Variants in RBFOX1 observed in about 807,000 individuals in gnomAD.
The protein encoded by RBFOX1 is RNA binding protein fox-1 homolog 1.
Under a neutral mutation model 57.7 loss-of-function variants are expected in RBFOX1, and 8 were observed. That is an observed-to-expected ratio of 0.14 (90% CI 0.08 to 0.25). RBFOX1 has a LOEUF of 0.25. Among genes scored for constraint, RBFOX1 ranks in the 10% least tolerant of loss-of-function variants. The pLI is 1.00. For missense variants in RBFOX1, 611 were observed against 548.5 expected (o/e 1.11, Z -1.14); for synonymous variants, 326 against 222.4 (o/e 1.47, Z -4.15).
intron 4 of RBFOX1, among the ~76,000 whole-genome samples, chr16:7,151,590 T>C (rs531924046): frequency 6.6e-6 from 1 of 152,296 alleles, no homozygotes; most frequent in East Asian, 1.9e-4. Context: ...TTTCCAGGGA[T>C]GGGAAAATGG....
At chr16:7,244,640 G>A (rs1400521093) in intron 4 of RBFOX1, among the ~76,000 whole-genome samples, 1 of 152,206 alleles carries the variant, frequency 6.6e-6, no homozygotes, top group Non-Finnish European at 1.5e-5. Flanking sequence ...TTCAACCAAT[G>A]TTGCTGCTTA....
intron 4 of RBFOX1, among the ~76,000 whole-genome samples, chr16:7,314,665 C>T (rs73559856): frequency 0.021 from 3,269 of 152,200 alleles, 67 homozygotes; most frequent in African/African-American, 0.052. Flanking sequence ...TGGGCTGACA[C>T]TCTTTTATTA....
At chr16:6,360,563 C>T (rs1204019655) in intron 2 of RBFOX1, among the ~76,000 whole-genome samples, 1 of 152,148 alleles carries the variant, frequency 6.6e-6, no homozygotes, top group Non-Finnish European at 1.5e-5. Flanking sequence ...AATGGCAATG[C>T]CACTCAGTCT....
chr16:6,833,646 A>G (rs148317043), intron 3 of RBFOX1, among the ~76,000 whole-genome samples: 23 of 152,150 alleles, frequency 1.5e-4, no homozygotes, highest in African/African-American at 4.1e-4. Context: ...TGTCTTCCTC[A>G]TGTCTTCCCA....
chr16:7,394,288 C>T (rs192178199), intron 4 of RBFOX1, among the ~76,000 whole-genome samples: 9 of 127,164 alleles, frequency 7.1e-5, no homozygotes, highest in Admixed American at 7.7e-5. Context: ...AAAAAATAGT[C>T]ATAGAATGAG....
At chr16:5,550,953 A>G (rs746101009) in intron 2 of RBFOX1, among the ~76,000 whole-genome samples, 52 of 152,180 alleles carry the variant, frequency 3.4e-4, no homozygotes, top group Non-Finnish European at 6.9e-4. Context: ...TGGGCAAGGG[A>G]AGGTTAAGCC....
intron 3 of RBFOX1, among the ~76,000 whole-genome samples, chr16:6,949,166 T>G (rs1370069028): frequency 6.6e-6 from 1 of 151,996 alleles, no homozygotes; most frequent in Non-Finnish European, 1.5e-5. Flanking sequence ...CCCACCCCCC[T>G]GAAAAGTCTA....
rs367869642 is a variant in RBFOX1, at chr16:7,267,646, G to C, written c.27+215548G>C. ...GAGGTGGGCGGATCACTTGAGGTCA[G>C]GAGTTCGAGACCAGCCTGGCCAACA... On this transcript the variant is annotated intron_variant, in intron 4 of 15. Coordinates refer to ENST00000550418, the MANE Select transcript of RBFOX1 (RefSeq NM_018723.4). 8.7e-4 allele frequency among the ~76,000 whole-genome samples: 132 copies of C among 152,120 alleles called. 2 individuals carry two copies. The East Asian group carries it at 0.024, about 28-fold the overall frequency.
At chr16:7,185,512 T>C (rs2178717) in intron 4 of RBFOX1, among the ~76,000 whole-genome samples, 3 of 152,024 alleles carry the variant, frequency 2.0e-5, no homozygotes, top group African/African-American at 7.3e-5. Context: ...ATAATTCTTA[T>C]GATAACATGG....
At chr16:6,502,732 C>T (rs1273253180) in intron 2 of RBFOX1, among the ~76,000 whole-genome samples, 4 of 152,154 alleles carry the variant, frequency 2.6e-5, no homozygotes, top group Non-Finnish European at 5.9e-5. Flanking sequence ...TAGGACTCAT[C>T]TCCTCTAGGG....
At chr16:6,693,417 A>G (rs903844210) in intron 3 of RBFOX1, among the ~76,000 whole-genome samples, 1 of 150,666 alleles carries the variant, frequency 6.6e-6, no homozygotes, top group Non-Finnish European at 1.5e-5. Context: ...TACCATCACC[A>G]CTATCATTAT....
intron 4 of RBFOX1, among the ~76,000 whole-genome samples, chr16:7,443,949 G>A (rs191085356): frequency 1.3e-5 from 2 of 152,270 alleles, no homozygotes; most frequent in Non-Finnish European, 1.5e-5. Flanking sequence ...CTTTCTCTGG[G>A]AGAAACCAAA....
chr16:5,534,759 T>C (rs541307135), intron 2 of RBFOX1, among the ~76,000 whole-genome samples: 79 of 152,190 alleles, frequency 5.2e-4, no homozygotes, highest in South Asian at 2.1e-3. Context: ...AAACAATACT[T>C]CACGAGCTAT....
intron 4 of RBFOX1, among the ~76,000 whole-genome samples, chr16:7,464,114 C>G (rs2060059421): frequency 6.6e-6 from 1 of 152,160 alleles, no homozygotes; most frequent in African/African-American, 2.4e-5. Flanking sequence ...TACATTGCCA[C>G]TCCCTTCTGG....
In RBFOX1 at chr16:5,439,114, A is replaced by G. The variant is rs112688401; in HGVS notation, c.220-28102A>G. Reference sequence around the variant, plus strand: ...AAGTAGAGACTTGTATCTTGGGAAGAAGCCAGCCTTGGGGAGATTTGGGAA... The same window carrying G: ...AAGTAGAGACTTGTATCTTGGGAAGGAGCCAGCCTTGGGGAGATTTGGGAA... On this transcript the variant is annotated intron_variant, in intron 1 of 2. Coordinates refer to the RBFOX1 transcript ENST00000585867. 9.7e-3 allele frequency among the ~76,000 whole-genome samples: 1,479 copies of G among 152,068 alleles called. 17 individuals carry two copies. The highest frequency in any genetic ancestry group is 0.033 in the African/African-American group (1,378 of 41,464).
At chr16:7,230,011 AGGGAGGAAGAGG>A (rs2093403224) in intron 4 of RBFOX1, among the ~76,000 whole-genome samples, 2 of 94,586 alleles carry the variant, frequency 2.1e-5, no homozygotes, top group African/African-American at 9.4e-5. Context: ...AGGGAGAGAG[AGGGAGGAAGAGG>A]GGAAGGAAGG....
intron 1 of RBFOX1, among the ~76,000 whole-genome samples, chr16:5,323,698 G>A (rs1372909126): frequency 6.6e-6 from 1 of 152,242 alleles, no homozygotes; most frequent in Non-Finnish European, 1.5e-5. Flanking sequence ...GGCTTCAAAA[G>A]CCAGCTGATG....
intron 2 of RBFOX1, among the ~76,000 whole-genome samples, chr16:5,534,368 A>G (rs1383620326): frequency 2.6e-5 from 4 of 152,230 alleles, no homozygotes; most frequent in Non-Finnish European, 5.9e-5. Context: ...GCTGTCTTCA[A>G]GCTGTGGAAG....
intron 1 of RBFOX1, among the ~76,000 whole-genome samples, chr16:5,244,024 G>C (rs899445284): frequency 6.6e-6 from 1 of 152,056 alleles, no homozygotes; most frequent in Non-Finnish European, 1.5e-5. Flanking sequence ...AGCCTCCGGA[G>C]TAGCTGGGAT....
Sources: allele counts gnomAD v4.1 joint callset (sites outside exome capture counted in the v4.1 genomes callset), GRCh38; gene constraint gnomAD v4.1.1; transcripts MANE v1.5; gene names NCBI Gene and HGNC (gene_info 2026-07-23, HGNC 2026-07-21).